The following ITPR3 variants were observed in gnomAD, a reference collection of about 807,000 sequenced individuals.
The protein encoded by ITPR3 is inositol 1,4,5-trisphosphate receptor type 3.
In ITPR3, 173 loss-of-function variants were observed where a neutral mutation model predicts 293.2. The ratio of observed to expected loss-of-function variants is 0.59; its 90% CI spans 0.52 to 0.67. ITPR3 has a LOEUF of 0.67. Ranked by LOEUF, ITPR3 falls within the 30% of genes least tolerant of loss-of-function variation. ITPR3 has a pLI of 0.00. For synonymous variants in ITPR3, 1,295 were observed against 1,444.4 expected, an observed-to-expected ratio of 0.90 and a Z score of 2.35; for missense variants, 2,796 against 3,592.1, an observed-to-expected ratio of 0.78 and a Z score of 5.66.
At chr6:33,661,113 A>G (rs1020425872) in intron 7 of ITPR3, among the ~76,000 whole-genome samples, 7 of 152,206 alleles carry the variant, frequency 4.6e-5, no homozygotes, top group African/African-American at 1.7e-4. Context: ...GCCCTGCGCT[A>G]CTGGGGCACA....
At chr6:33,694,703 G>GT in intron 56 of ITPR3, 2 of 553,982 alleles carry the variant, frequency 3.6e-6, no homozygotes, top group Admixed American at 6.8e-5. Flanking sequence ...CCTAACGGAA[G>GT]TCAGCCTGTC....
intron 2 of ITPR3, among the ~76,000 whole-genome samples, chr6:33,651,708 T>C (rs186817541): frequency 1.1e-4 from 16 of 152,366 alleles, no homozygotes; most frequent in South Asian, 2.1e-4. Flanking sequence ...TGGTGGGTAA[T>C]TCTTCACCAT....
intron 57 of ITPR3, chr6:33,695,314 G>A: frequency 1.7e-6 from 1 of 584,096 alleles, no homozygotes; most frequent in Non-Finnish European, 3.0e-6. Flanking sequence ...TTAGTACAGG[G>A]TGGTGGGGCC....
chr6:33,684,085 G>A lies in ITPR3; in HGVS notation c.4854G>A (p.Val1618=). The A allele has an allele frequency of 6.2e-6, 10 of 1,611,712 alleles. No individual in the cohort carries two copies. Among genetic ancestry groups the A allele is most frequent in the Non-Finnish European group, 8.5e-6 (10 of 1,179,954 alleles). The part of the protein sequence containing the change: ...PLVQAELSVL[V]DVLHWPELLF... Reference sequence around the variant, plus strand: ...TACAGGCTGAGCTGTCCGTGCTGGTGGATGTCCTGCACTGGCCTGAGCTGC... The same window carrying A: ...TACAGGCTGAGCTGTCCGTGCTGGTAGATGTCCTGCACTGGCCTGAGCTGC... The change falls in exon 36 of 58, where the codon GTG becomes GTA. Residue 1618 remains valine (V), a synonymous_variant. Transcript: ENST00000605930. The surrounding 1 kb of genome is among the most constrained non-coding windows in gnomAD (Gnocchi z 4.2).
At position 33,638,226 on chromosome 6, in the gene ITPR3, G is replaced by A. The variant is rs1245684879; in HGVS notation, c.90-2258G>A. Among the ~76,000 whole-genome samples, 2 of 151,678 alleles carry A rather than the reference G, an allele frequency of 1.3e-5. No individual in the cohort carries two copies. The highest frequency in any genetic ancestry group is 1.3e-4 in the Admixed American group (2 of 15,240). ...TCACCATGTTGGTCAGGCGGGTCTC[G>A]AACTCCTGACTTAATGATCCACCCG... On this transcript the variant is annotated intron_variant, in intron 1 of 57. Transcript: ENST00000605930. This position sits in a 1 kb window ranked among gnomAD's most constrained non-coding sequence, Gnocchi z 4.3.
chr6:33,631,786 C>T (rs545128504), intron 1 of ITPR3, among the ~76,000 whole-genome samples: 1 of 152,194 alleles, frequency 6.6e-6, no homozygotes, highest in African/African-American at 2.4e-5. Context: ...CAGACACTGG[C>T]GTTACCACTT....
Position 33,684,502 on chromosome 6 carries a change from G to C in ITPR3, c.5046+37G>C. 1 of 1,608,352 alleles carries C rather than the reference G, an allele frequency of 6.2e-7. No homozygotes were observed. Among genetic ancestry groups the C allele is most frequent in the Non-Finnish European group, 8.5e-7 (1 of 1,174,828 alleles). On this transcript the variant is annotated intron_variant, in intron 37 of 57. Transcript: ENST00000605930. The surrounding 1 kb of genome is among the most constrained non-coding windows in gnomAD (Gnocchi z 4.2). Reference sequence around the variant, plus strand: ...GGTGGGGCAAGTGCTGGGTGGGCCAGTCAGGAGTACCCAGGGGCTCAGGGT... The same window carrying C: ...GGTGGGGCAAGTGCTGGGTGGGCCACTCAGGAGTACCCAGGGGCTCAGGGT...
In ITPR3 at chr6:33,632,989, T is replaced by A. The variant is rs562753687; in HGVS notation, c.90-7495T>A. On this transcript the variant is annotated intron_variant, in intron 1 of 57. Transcript: ENST00000605930. This position sits in a 1 kb window ranked among gnomAD's most constrained non-coding sequence, Gnocchi z 4.1. ...CCAGCTGTGTGGCTCAGGGGTTCCA[T>A]CCACTCTGTGGGCCTCACTCTGGAC... is the stretch of plus-strand genomic sequence containing the variant. Among the ~76,000 whole-genome samples, 50 of 152,348 alleles carry A rather than the reference T, an allele frequency of 3.3e-4. No individual in the cohort carries two copies. Among genetic ancestry groups the A allele is most frequent in the African/African-American group, 1.2e-3 (48 of 41,582 alleles).
rs1344585001 is a variant in ITPR3, at chr6:33,621,857, G to A, written c.89+166G>A. 6.6e-6 allele frequency among the ~76,000 whole-genome samples: 1 copy of A among 152,238 alleles called. No homozygotes were observed. The highest frequency in any genetic ancestry group is 1.9e-4 in the East Asian group (1 of 5,198). On this transcript the variant is annotated intron_variant, in intron 1 of 57. Coordinates refer to ENST00000605930, the MANE Select transcript of ITPR3 (RefSeq NM_002224.4). The surrounding 1 kb of genome is among the most constrained non-coding windows in gnomAD (Gnocchi z 7.7). The stretch of plus-strand genomic sequence containing the variant: ...CCTTCTTTTACAGAAAGGAAGTGAA[G>A]TGTTTGCTCAGGTAGGACTCGGGCT...
In ITPR3 at chr6:33,659,135, G is replaced by T. The variant is rs113742628; in HGVS notation, c.627+16G>T. ...CTGCAAGGAGGTGAGGGGGTGGGGG[G>T]TCAGCCATGCAGTGCAGGGACGTCC... is the stretch of plus-strand genomic sequence containing the variant. On this transcript the variant is annotated intron_variant, in intron 6 of 57. Coordinates refer to ENST00000605930, the MANE Select transcript of ITPR3 (RefSeq NM_002224.4). The T allele has an allele frequency of 6.8e-6, 11 of 1,610,616 alleles. No homozygotes were observed. Among genetic ancestry groups the T allele is most frequent in the East Asian group, 2.2e-5 (1 of 44,862 alleles).
intron 1 of ITPR3, among the ~76,000 whole-genome samples, chr6:33,634,969 G>A (rs1322410162): frequency 6.6e-6 from 1 of 152,112 alleles, no homozygotes; most frequent in Non-Finnish European, 1.5e-5. Context: ...TCAAGATGGG[G>A]GCTGTGGGGA....
chr6:33,676,876 A>C lies in ITPR3; in HGVS notation c.3391A>C (p.Lys1131Gln), dbSNP rs1764920835. The C allele has an allele frequency of 1.9e-6, 3 of 1,614,066 alleles. No individual in the cohort carries two copies. The highest frequency in any genetic ancestry group is 2.5e-6 in the Non-Finnish European group (3 of 1,179,942). ...GAAGTCAGAGCTGTGGGTGGACAAG[A>C]AGGGCAGTGGCAAGGGTGAGGAGGT... ...VEKSELWVDKKGSGKGEEVEA... is the reference protein window; with the variant it reads ...VEKSELWVDKQGSGKGEEVEA... The change falls in exon 26 of 58, where the codon AAG (lysine) becomes CAG (glutamine). Residue 1131 changes from lysine (K) to glutamine (Q), a missense_variant. Transcript: ENST00000605930.
chr6:33,629,738 C>T (rs1233660239), intron 1 of ITPR3, among the ~76,000 whole-genome samples: 1 of 151,928 alleles, frequency 6.6e-6, no homozygotes, highest in Non-Finnish European at 1.5e-5. Context: ...CCTCAGCCTC[C>T]CAAAGTGTTG....
rs1170888290 is a variant in ITPR3 at position 33,682,962 on chromosome 6, A to G, written c.4598-245A>G. Reference sequence around the variant, plus strand: ...GTTGGGGAAGAAGAGAGGACAGGTGAGAGAGAGGAAGGGGAAGTCAGGGTA... The same window carrying G: ...GTTGGGGAAGAAGAGAGGACAGGTGGGAGAGAGGAAGGGGAAGTCAGGGTA... On this transcript the variant is annotated intron_variant, in intron 34 of 57. Transcript: ENST00000605930. This position sits in a 1 kb window ranked among gnomAD's most constrained non-coding sequence, Gnocchi z 5.4. 2.0e-5 allele frequency among the ~76,000 whole-genome samples: 3 copies of G among 151,774 alleles called. No individual in the cohort carries two copies. Among genetic ancestry groups the G allele is most frequent in the African/African-American group, 7.3e-5 (3 of 41,168 alleles).
Position 33,696,097 on chromosome 6 carries a change from TCC to T in ITPR3, c.*318_*319del, listed in dbSNP as rs1765537069. On this transcript the variant is annotated 3_prime_UTR_variant, in exon 58 of 58. Transcript: ENST00000605930. ...AATAACTGACAACTCTTTGTAGTCC[TCC>T]TTGTGGGTAGTTAAGAGTGGGGTCA... is the stretch of plus-strand genomic sequence containing the variant. 1.2e-5 allele frequency: 4 copies of T among 331,916 alleles called. No individual in the cohort carries two copies. 20.6% of individuals were successfully genotyped at this position (331,916 alleles called of 1,614,324 possible).
rs1273224091 is a variant in ITPR3 at position 33,662,852 on chromosome 6, G to T, written c.859-59G>T. 5.2e-6 allele frequency: 8 copies of T among 1,534,788 alleles called. No homozygotes were observed. In the East Asian group the frequency reaches 7.3e-5, roughly 14 times the overall value. On this transcript the variant is annotated intron_variant, in intron 8 of 57. Coordinates refer to ENST00000605930, the MANE Select transcript of ITPR3 (RefSeq NM_002224.4). ...CCAGAGATCTCCAGGCCTCCCTGGG[G>T]TCTGACTCCCCATGCCTGTCCAGTC...
Position 33,677,589 on chromosome 6 carries a change from A to G in ITPR3, c.3608A>G (p.His1203Arg), listed in dbSNP as rs1582150083. The change falls in exon 28 of 58, where the codon CAC becomes CGC. Residue 1203 changes from histidine (H) to arginine (R), a missense_variant. This residue lies in a region of ITPR3 where 344 missense variants were observed against 460.3 expected (regional missense o/e 0.75). Transcript: ENST00000605930. ...QQRLLKNMDA[H>R]KVMLDLLQIP... Reference sequence around the variant, plus strand: ...CGGCTGCTGAAGAACATGGATGCCCACAAGGTCATGCTGGACCTGCTGCAG... The same window carrying G: ...CGGCTGCTGAAGAACATGGATGCCCGCAAGGTCATGCTGGACCTGCTGCAG... 8 of 1,613,936 alleles carry G rather than the reference A, an allele frequency of 5.0e-6. No individual in the cohort carries two copies. The highest frequency in any genetic ancestry group is 6.8e-6 in the Non-Finnish European group (8 of 1,179,958).
At position 33,691,850 on chromosome 6, in the gene ITPR3, GT is replaced by G; in HGVS notation, c.7381del (p.Cys2461AlafsTer6). The G allele has an allele frequency of 1.9e-6, 3 of 1,614,164 alleles. No homozygotes were observed. The highest frequency in any genetic ancestry group is 2.5e-6 in the Non-Finnish European group (3 of 1,180,020). ...AGCGGGCCTGTGACACTCTGTTGAT[GT>G]GCATCGTCACTGTCATGAACCATGG... is the stretch of plus-strand genomic sequence containing the variant. ...TERACDTLLM[C>X]IVTVMNHGLR... On this transcript the variant is annotated frameshift_variant, in exon 54 of 58. Coordinates refer to ENST00000605930, the MANE Select transcript of ITPR3 (RefSeq NM_002224.4). LOFTEE classifies it high-confidence loss of function. This position sits in a 1 kb window ranked among gnomAD's most constrained non-coding sequence, Gnocchi z 4.9.
In ITPR3 at chr6:33,658,084, G is replaced by A; in HGVS notation, c.369+66G>A. 9.9e-6 allele frequency: 14 copies of A among 1,414,418 alleles called. No homozygotes were observed. The highest frequency in any genetic ancestry group is 9.0e-5 in the Admixed American group (5 of 55,466). 87.6% of individuals were successfully genotyped at this position (1,414,418 alleles called of 1,614,324 possible). A position where few individuals can be genotyped will look rare whatever the true frequency, so the allele number is the denominator to read the frequency against. ...GCCTAAGAGGCTGGGCTGGTGCTGG[G>A]TGAGGGCTGCCAGCAGGCATTGCCC... On this transcript the variant is annotated intron_variant, in intron 4 of 57. Transcript: ENST00000605930. The surrounding 1 kb of genome is among the most constrained non-coding windows in gnomAD (Gnocchi z 6.1).
Sources: gnomAD v4.1 joint callset for allele counts (sites outside exome capture counted in the v4.1 genomes callset) on GRCh38, gnomAD v4.1.1 for gene constraint, gnomAD v4.1.1 regional missense constraint, Gnocchi (gnomAD v3.1) non-coding constraint, MANE v1.5 for transcripts, NCBI Gene and HGNC (gene_info 2026-07-23, HGNC 2026-07-21) for gene names.